The following PCDH9 variants were observed in gnomAD, a reference collection of about 807,000 sequenced individuals.
PCDH9 encodes protocadherin-9.
Under a neutral mutation model 70.6 loss-of-function variants are expected in PCDH9, and 24 were observed. The ratio of observed to expected loss-of-function variants is 0.34; its 90% CI spans 0.25 to 0.48. The LOEUF (loss-of-function observed/expected upper bound fraction) is 0.48, where lower values mean the gene tolerates loss of function less well. Ranked by LOEUF, PCDH9 falls within the 20% of genes least tolerant of loss-of-function variation. The probability of loss-of-function intolerance (pLI) is 0.99; values close to 1 mark genes in which losing one functional copy is unlikely to be tolerated. For missense variants in PCDH9, 1,281 were observed against 1,503.6 expected (o/e 0.85, Z 2.45); for synonymous variants, 562 against 558.5 (o/e 1.01, Z -0.09).
At chr13:67,028,083 G>T (rs1759452966) in intron 2 of PCDH9, among the ~76,000 whole-genome samples, 1 of 151,038 alleles carries the variant, frequency 6.6e-6, no homozygotes, top group South Asian at 2.2e-4. Context: ...ATACCCAAAT[G>T]ACTATAAATC....
intron 3 of PCDH9, among the ~76,000 whole-genome samples, chr13:66,689,968 A>G (rs2078459542): frequency 6.6e-6 from 1 of 152,210 alleles, no homozygotes; most frequent in Admixed American, 6.5e-5. Flanking sequence ...AAAGAAATCT[A>G]TCCTTTGAAA....
chr13:66,461,251 A>AT (rs1428598787), intron 4 of PCDH9, among the ~76,000 whole-genome samples: 3 of 151,884 alleles, frequency 2.0e-5, no homozygotes, highest in African/African-American at 7.2e-5. Context: ...CATTTGTTAC[A>AT]TTTTAGAAAA....
In PCDH9 at chr13:67,150,867, C is replaced by T. The variant is rs1438911219; in HGVS notation, c.3036+74538G>A. Among the ~76,000 whole-genome samples, 4 of 152,268 alleles carry T rather than the reference C, an allele frequency of 2.6e-5. No individual in the cohort carries two copies. The East Asian group carries it at 5.8e-4, about 22-fold the overall frequency. On this transcript the variant is annotated intron_variant, in intron 2 of 4. Coordinates refer to ENST00000377865, the MANE Select transcript of PCDH9 (RefSeq NM_203487.3). ...TGGCAAGCACAGTTAGTCTTTAATCCCTTTTAATCCAACCTACATATACAA... is the reference window on the plus strand; with the variant it reads ...TGGCAAGCACAGTTAGTCTTTAATCTCTTTTAATCCAACCTACATATACAA...
At chr13:67,018,813 C>T (rs531251235) in intron 2 of PCDH9, among the ~76,000 whole-genome samples, 2 of 152,200 alleles carry the variant, frequency 1.3e-5, no homozygotes, top group East Asian at 1.9e-4. Flanking sequence ...CGCATACTGA[C>T]GATTACATTT....
intron 4 of PCDH9, among the ~76,000 whole-genome samples, chr13:66,610,290 AAGAG>A (rs895733859): frequency 1.3e-5 from 2 of 149,464 alleles, no homozygotes; most frequent in Non-Finnish European, 3.0e-5. Context: ...CAGAGAGAGA[AAGAG>A]AGAGAGAGAG....
At chr13:67,000,457 T>C (rs534442787) in intron 2 of PCDH9, among the ~76,000 whole-genome samples, 1 of 150,538 alleles carries the variant, frequency 6.6e-6, no homozygotes, top group Admixed American at 6.7e-5. Flanking sequence ...ATTGTGCACA[T>C]GTACCCTAAA....
At chr13:67,114,697 A>G (rs2086725416) in intron 2 of PCDH9, among the ~76,000 whole-genome samples, 1 of 152,230 alleles carries the variant, frequency 6.6e-6, no homozygotes, top group Non-Finnish European at 1.5e-5. Flanking sequence ...CCTCTATGTA[A>G]CAGTCCCTTC....
chr13:66,980,891 A>G (rs2083749232), intron 2 of PCDH9, among the ~76,000 whole-genome samples: 1 of 152,060 alleles, frequency 6.6e-6, no homozygotes, highest in Non-Finnish European at 1.5e-5. Context: ...TAAATCTACA[A>G]TGAAGTAAAC....
At chr13:66,590,725 C>G (rs927064492) in intron 4 of PCDH9, among the ~76,000 whole-genome samples, 31 of 151,812 alleles carry the variant, frequency 2.0e-4, no homozygotes, top group African/African-American at 6.3e-4. Context: ...ATTCACTTTT[C>G]TAGCTCACAC....
chr13:66,344,303 T>C (rs577651342), intron 4 of PCDH9, among the ~76,000 whole-genome samples: 1 of 152,178 alleles, frequency 6.6e-6, no homozygotes, highest in South Asian at 2.1e-4. Flanking sequence ...ATTTTTTGTA[T>C]TTAGTAGAGA....
At chr13:66,976,629 A>G (rs2083626056) in intron 2 of PCDH9, among the ~76,000 whole-genome samples, 1 of 152,144 alleles carries the variant, frequency 6.6e-6, no homozygotes, top group Non-Finnish European at 1.5e-5. Context: ...TATGAACAAC[A>G]GAAGTCAATA....
chr13:66,834,590 A>G (rs1017542852), intron 3 of PCDH9, among the ~76,000 whole-genome samples: 2 of 152,228 alleles, frequency 1.3e-5, no homozygotes, highest in African/African-American at 4.8e-5. Context: ...CTTTGAAGGA[A>G]GTACAAGGTA....
chr13:67,141,442 A>G (rs995939288), intron 2 of PCDH9, among the ~76,000 whole-genome samples: 4 of 151,120 alleles, frequency 2.6e-5, no homozygotes, highest in African/African-American at 9.7e-5. Context: ...TCTTTATTTT[A>G]TTATTATTAT....
chr13:67,069,597 C>T (rs780310440), intron 2 of PCDH9, among the ~76,000 whole-genome samples: 6 of 152,162 alleles, frequency 3.9e-5, no homozygotes, highest in Admixed American at 6.6e-5. Flanking sequence ...CCAGTCCATG[C>T]TGAGAATGAG....
At chr13:66,642,712 A>G (rs144620650) in intron 3 of PCDH9, among the ~76,000 whole-genome samples, 1 of 152,176 alleles carries the variant, frequency 6.6e-6, no homozygotes, top group East Asian at 1.9e-4. Context: ...AAAAGAAATC[A>G]TAAAGTAAAA....
At chr13:66,489,023 C>T (rs1958991114) in intron 4 of PCDH9, among the ~76,000 whole-genome samples, 2 of 152,060 alleles carry the variant, frequency 1.3e-5, no homozygotes, top group Non-Finnish European at 2.9e-5. Flanking sequence ...ATTTTAAGTG[C>T]ATTATAAATT....
chr13:66,715,185 C>T (rs575658036), intron 3 of PCDH9, among the ~76,000 whole-genome samples: 2 of 152,220 alleles, frequency 1.3e-5, no homozygotes, highest in South Asian at 2.1e-4. Context: ...TGACAGAGAT[C>T]CCTCCAACTT....
At chr13:66,604,926 T>C (rs73194771) in intron 4 of PCDH9, among the ~76,000 whole-genome samples, 20,944 of 152,044 alleles carry the variant, frequency 0.14, 1,706 homozygotes, top group Middle Eastern at 0.22. Context: ...GGCCGTAAAA[T>C]TCCAGCTACA....
intron 4 of PCDH9, among the ~76,000 whole-genome samples, chr13:66,352,481 T>G (rs1327340607): frequency 2.6e-5 from 4 of 152,126 alleles, no homozygotes; most frequent in African/African-American, 9.7e-5. Flanking sequence ...AGTTCCATTC[T>G]TAAGCCTCCT....
Sources: gnomAD v4.1 joint callset for allele counts (sites outside exome capture counted in the v4.1 genomes callset) on GRCh38, gnomAD v4.1.1 for gene constraint, MANE v1.5 for transcripts, NCBI Gene and HGNC (gene_info 2026-07-23, HGNC 2026-07-21) for gene names.